The following TTC39C variants were observed in gnomAD, a reference collection of about 807,000 sequenced individuals.
TTC39C encodes the protein tetratricopeptide repeat protein 39C.
Under a neutral mutation model 76.3 loss-of-function variants are expected in TTC39C, and 33 were observed. The ratio of observed to expected loss-of-function variants is 0.43; its 90% CI spans 0.33 to 0.58. The LOEUF is 0.58. Among genes scored for constraint, TTC39C ranks in the 20% least tolerant of loss-of-function variants. The pLI is 0.04. For synonymous variants in TTC39C, 254 were observed against 260.6 expected (o/e 0.97, Z 0.24); for missense variants, 595 against 701.4 (o/e 0.85, Z 1.71).
intron 6 of TTC39C, among the ~76,000 whole-genome samples, chr18:24,091,650 C>T (rs2084517894): frequency 6.6e-6 from 1 of 152,022 alleles, no homozygotes. Context: ...AACATTTGCG[C>T]TATAAACAAT....
intron 6 of TTC39C, among the ~76,000 whole-genome samples, chr18:24,091,177 C>A (rs1403900982): frequency 1.3e-5 from 2 of 152,226 alleles, no homozygotes; most frequent in African/African-American, 4.8e-5. Context: ...TTCAGCCAGG[C>A]ACAGTAGCTC....
intron 1 of TTC39C, among the ~76,000 whole-genome samples, chr18:24,042,495 G>A (rs888835124): frequency 1.3e-5 from 2 of 152,254 alleles, no homozygotes; most frequent in East Asian, 1.9e-4. Context: ...GGTAATGCTC[G>A]CTCGCCTGCT....
intron 7 of TTC39C, 36 bp downstream of exon 7, chr18:24,114,683 A>G: frequency 1.3e-6 from 2 of 1,506,326 alleles, no homozygotes; most frequent in Non-Finnish European, 1.8e-6. Flanking sequence ...TCTTGTTAAG[A>G]AGTAGTATTA....
intron 6 of TTC39C, among the ~76,000 whole-genome samples, chr18:24,105,757 T>G (rs907747693): frequency 1.3e-5 from 2 of 152,232 alleles, no homozygotes; most frequent in Non-Finnish European, 2.9e-5. Context: ...CGTTGGTGTC[T>G]TCGTTTCCCA....
intron 1 of TTC39C, among the ~76,000 whole-genome samples, chr18:24,004,541 C>G (rs949308185): frequency 3.3e-5 from 5 of 152,172 alleles, no homozygotes; most frequent in African/African-American, 1.2e-4. Context: ...GGGCGTGTCT[C>G]CTTCTGACCT....
intron 10 of TTC39C, among the ~76,000 whole-genome samples, chr18:24,127,913 G>A (rs991063395): frequency 2.6e-5 from 4 of 152,120 alleles, no homozygotes; most frequent in Non-Finnish European, 5.9e-5. Flanking sequence ...ATCCTCTGTG[G>A]TCTCTTATCT....
At chr18:24,096,433 C>G (rs1228997211) in intron 6 of TTC39C, among the ~76,000 whole-genome samples, 3 of 152,188 alleles carry the variant, frequency 2.0e-5, no homozygotes, top group African/African-American at 4.8e-5. Context: ...GACATATTCA[C>G]ATTGTTGTTA....
At chr18:24,014,242 G>T (rs565733674), upstream of TTC39C, among the ~76,000 whole-genome samples, 1 of 152,104 alleles carries the variant, frequency 6.6e-6, no homozygotes, top group East Asian at 1.9e-4. Flanking sequence ...AGTTACTCGT[G>T]GAGTTTCAGT....
chr18:24,081,926 A>G (rs2084379844), intron 5 of TTC39C, among the ~76,000 whole-genome samples: 1 of 152,154 alleles, frequency 6.6e-6, no homozygotes, highest in Non-Finnish European at 1.5e-5. Context: ...TATGAGCTCC[A>G]TAAGAGAACC....
intron 1 of TTC39C, among the ~76,000 whole-genome samples, chr18:24,050,828 T>C (rs2083939102): frequency 6.7e-6 from 1 of 149,348 alleles, no homozygotes; most frequent in Non-Finnish European, 1.5e-5. Flanking sequence ...GCTGAGATCA[T>C]GCCATTGCAC....
intron 12 of TTC39C, among the ~76,000 whole-genome samples, chr18:24,131,590 C>T (rs555558846): frequency 1.3e-5 from 2 of 151,802 alleles, no homozygotes; most frequent in South Asian, 4.2e-4. Flanking sequence ...CCTGTAATCC[C>T]AGCTACTCAG....
At chr18:24,020,591 A>G (rs1225964266) in intron 1 of TTC39C, among the ~76,000 whole-genome samples, 3 of 152,236 alleles carry the variant, frequency 2.0e-5, no homozygotes, top group African/African-American at 4.8e-5. Flanking sequence ...GTATTTGCGT[A>G]TCACCTACAC....
At chr18:24,059,401 T>A (rs11082917) in intron 1 of TTC39C, among the ~76,000 whole-genome samples, 1 of 151,816 alleles carries the variant, frequency 6.6e-6, no homozygotes, top group Non-Finnish European at 1.5e-5. Flanking sequence ...GTGTCTGTTG[T>A]TCCCCTCTAT....
At chr18:24,013,006 C>G (rs1005736472), upstream of TTC39C, 3 of 152,192 alleles carry the variant, frequency 2.0e-5, no homozygotes, top group Non-Finnish European at 4.4e-5. Context: ...CATGCAGGCT[C>G]CAGGGAACGC....
chr18:24,064,231 T>G, intron 2 of TTC39C, 43 bp downstream of exon 2: 1 of 1,605,410 alleles, frequency 6.2e-7, no homozygotes, highest in Non-Finnish European at 8.5e-7. Flanking sequence ...AGGAAACAAT[T>G]ATATAAAGTA....
At chr18:24,031,566 A>G (rs2083671406) in intron 1 of TTC39C, among the ~76,000 whole-genome samples, 1 of 152,062 alleles carries the variant, frequency 6.6e-6, no homozygotes, top group Non-Finnish European at 1.5e-5. Flanking sequence ...TTTGCCTCTC[A>G]AGTATCTGTT....
At position 24,014,935 on chromosome 18, in the gene TTC39C, G is replaced by C. The variant is rs1198481462; in HGVS notation, c.64G>C (p.Ala22Pro). The change falls in exon 1 of 14, where the codon GCG becomes CCG. Residue 22 changes from alanine to proline, a missense_variant. Physicochemically the swap from Ala to Pro is conservative, Grantham distance 27 (BLOSUM62 -1). Transcript: ENST00000317571. ...CGACGGAGACTCGGACGCGGCAGCG[G>C]CGGCGGCGGCGCCCCTGCAGGACGC... is the stretch of plus-strand genomic sequence containing the variant. ...RDDGDSDAAAAAAAPLQDAEL... is the reference protein window; with the variant it reads ...RDDGDSDAAAPAAAPLQDAEL... 3.3e-6 allele frequency: 5 copies of C among 1,525,412 alleles called. No homozygotes were observed. Among genetic ancestry groups the C allele is most frequent in the East Asian group, 2.6e-5 (1 of 37,982 alleles). The allele number at this position is 1,525,412 out of a possible 1,614,324, so 94.5% of individuals were successfully genotyped here.
intron 1 of TTC39C, among the ~76,000 whole-genome samples, chr18:24,039,108 TC>T (rs746998975): frequency 2.6e-5 from 4 of 152,084 alleles, no homozygotes; most frequent in Non-Finnish European, 5.9e-5. Context: ...CCTCATTCAG[TC>T]CCCCCATGCA....
chr18:24,040,788 G>A (rs1420669426), intron 1 of TTC39C, among the ~76,000 whole-genome samples: 3 of 152,160 alleles, frequency 2.0e-5, no homozygotes, highest in African/African-American at 2.4e-5. Flanking sequence ...GATTGGTTAA[G>A]TGAGTTTCCA....
Sources: gnomAD v4.1 joint callset for allele counts (sites outside exome capture counted in the v4.1 genomes callset) on GRCh38, gnomAD v4.1.1 for gene constraint, MANE v1.5 for transcripts, NCBI Gene and HGNC (gene_info 2026-07-23, HGNC 2026-07-21) for gene names.